Variants in ATXN1 observed in about 807,000 individuals in gnomAD.
ATXN1 encodes the protein ataxin-1.
ATXN1 carries 8 observed loss-of-function variants against 56.4 expected under a neutral mutation model. The observed-to-expected ratio is 0.14, with a 90% CI of 0.08 to 0.26. The LOEUF (loss-of-function observed/expected upper bound fraction) is 0.26. Among genes scored for constraint, ATXN1 ranks in the 10% least tolerant of loss-of-function variants. ATXN1 has a pLI of 1.00. For synonymous variants in ATXN1, 514 were observed against 494.6 expected, an observed-to-expected ratio of 1.04 and a Z score of -0.52; for missense variants, 987 against 1,106.5, an observed-to-expected ratio of 0.89 and a Z score of 1.53.
intron 6 of ATXN1, among the ~76,000 whole-genome samples, chr6:16,449,734 A>G (rs376010571): frequency 6.6e-6 from 1 of 152,238 alleles, no homozygotes; most frequent in Non-Finnish European, 1.5e-5. Context: ...GGATAAGTTT[A>G]AAGGAAAACA....
At chr6:16,612,789 G>A (rs1470885544) in intron 3 of ATXN1, among the ~76,000 whole-genome samples, 1 of 151,766 alleles carries the variant, frequency 6.6e-6, no homozygotes, top group Non-Finnish European at 1.5e-5. Flanking sequence ...TACTTGGGAG[G>A]CTGAGGCAGG....
intron 2 of ATXN1, among the ~76,000 whole-genome samples, chr6:16,691,007 G>T (rs994843215): frequency 1.3e-5 from 2 of 152,220 alleles, no homozygotes; most frequent in Non-Finnish European, 2.9e-5. Context: ...GACAGTAAGA[G>T]AGTCAACAAG....
chr6:16,570,518 T>C (rs780295014), intron 4 of ATXN1, among the ~76,000 whole-genome samples: 42 of 152,198 alleles, frequency 2.8e-4, no homozygotes, highest in Non-Finnish European at 4.1e-4. Context: ...CACAGAAATA[T>C]GTATTCTGCC....
At position 16,717,618 on chromosome 6, in the gene ATXN1, G is replaced by C. The variant is rs548159793; in HGVS notation, c.-615+35615C>G. Among the ~76,000 whole-genome samples, 4 of 152,266 alleles carry C rather than the reference G, an allele frequency of 2.6e-5. No homozygotes were observed. In the South Asian group the frequency reaches 8.3e-4, roughly 32 times the overall value. Reference sequence around the variant, plus strand: ...AGAGAGAGAATGTGCTCATCATGTGGGCCTTGAGAGTATGTTAGTAATGGT... The same window carrying C: ...AGAGAGAGAATGTGCTCATCATGTGCGCCTTGAGAGTATGTTAGTAATGGT... On this transcript the variant is annotated intron_variant, in intron 2 of 7. Coordinates refer to ENST00000436367, the MANE Select transcript of ATXN1 (RefSeq NM_001128164.2).
intron 2 of ATXN1, among the ~76,000 whole-genome samples, chr6:16,712,472 G>T (rs1441822318): frequency 6.6e-6 from 1 of 152,154 alleles, no homozygotes; most frequent in Non-Finnish European, 1.5e-5. Flanking sequence ...GACTGAGTCA[G>T]AAGGGGAAGG....
intron 6 of ATXN1, among the ~76,000 whole-genome samples, chr6:16,456,104 T>C (rs1464901295): frequency 3.9e-5 from 6 of 152,188 alleles, no homozygotes; most frequent in African/African-American, 1.4e-4. Flanking sequence ...CTTTGTCCTG[T>C]CGCTCTTCAC....
chr6:16,665,551 G>C (rs1758407312), intron 2 of ATXN1, among the ~76,000 whole-genome samples: 1 of 150,888 alleles, frequency 6.6e-6, no homozygotes, highest in Admixed American at 6.6e-5. Flanking sequence ...TTGGGTGGGG[G>C]TGGGGGGGTT....
chr6:16,450,131 A>G, intron 6 of ATXN1, among the ~76,000 whole-genome samples: 1 of 152,260 alleles, frequency 6.6e-6, no homozygotes. Context: ...AAAGGCAATG[A>G]ATGATACAGA....
At chr6:16,393,975 G>T (rs1758405579) in intron 6 of ATXN1, among the ~76,000 whole-genome samples, 1 of 151,450 alleles carries the variant, frequency 6.6e-6, no homozygotes. Flanking sequence ...AAATATCATG[G>T]GTCTATGTTT....
At chr6:16,696,360 T>C (rs1233435831) in intron 2 of ATXN1, among the ~76,000 whole-genome samples, 1 of 152,180 alleles carries the variant, frequency 6.6e-6, no homozygotes, top group African/African-American at 2.4e-5. Flanking sequence ...AGGACGCTAC[T>C]ATGTCGAGGT....
intron 6 of ATXN1, among the ~76,000 whole-genome samples, chr6:16,336,546 T>C (rs1008013571): frequency 6.6e-6 from 1 of 152,048 alleles, no homozygotes; most frequent in Non-Finnish European, 1.5e-5. Flanking sequence ...ATCCAGGCCA[T>C]AGGAGTGGTG....
chr6:16,458,123 A>G (rs1581776973), intron 6 of ATXN1, among the ~76,000 whole-genome samples: 1 of 152,202 alleles, frequency 6.6e-6, no homozygotes, highest in South Asian at 2.1e-4. Flanking sequence ...ATTTGGAGAT[A>G]CCTGGTATCT....
intron 6 of ATXN1, among the ~76,000 whole-genome samples, chr6:16,418,015 C>T (rs1449412684): frequency 2.6e-5 from 4 of 152,124 alleles, no homozygotes; most frequent in African/African-American, 9.7e-5. Flanking sequence ...AGTAAATCAA[C>T]GAATGAAGGT....
intron 6 of ATXN1, among the ~76,000 whole-genome samples, chr6:16,357,989 G>C (rs537009603): frequency 1.3e-4 from 20 of 152,298 alleles, no homozygotes; most frequent in African/African-American, 4.1e-4. Flanking sequence ...GTAAGGGAAC[G>C]GGGTGACAGA....
At chr6:16,704,019 C>CAA (rs1241378486) in intron 2 of ATXN1, among the ~76,000 whole-genome samples, 1 of 151,962 alleles carries the variant, frequency 6.6e-6, no homozygotes, top group African/African-American at 2.4e-5. Context: ...GATTCCATCT[C>CAA]AAAAAAACAA....
chr6:16,483,351 T>C (rs1760476800), intron 6 of ATXN1, among the ~76,000 whole-genome samples: 1 of 152,226 alleles, frequency 6.6e-6, no homozygotes, highest in Admixed American at 6.5e-5. Flanking sequence ...ACCCTGTTTA[T>C]GTGCAAACAT....
intron 6 of ATXN1, among the ~76,000 whole-genome samples, chr6:16,378,913 G>T (rs1392413188): frequency 6.6e-6 from 1 of 152,078 alleles, no homozygotes; most frequent in East Asian, 1.9e-4. Context: ...CCACTACTGG[G>T]TATCTACCCA....
chr6:16,508,416 T>G (rs1251238382), intron 5 of ATXN1, among the ~76,000 whole-genome samples: 2 of 152,162 alleles, frequency 1.3e-5, no homozygotes, highest in African/African-American at 2.4e-5. Flanking sequence ...CCTTAAATGC[T>G]TATAGACAAA....
In ATXN1 at chr6:16,585,071, TA is replaced by T. The variant is rs1259577115; in HGVS notation, c.-361+708del. Among the ~76,000 whole-genome samples the T allele has an allele frequency of 4.3e-3, 607 of 141,680 alleles. 2 individuals are homozygous for T. The highest frequency in any genetic ancestry group is 3.6e-3 in the African/African-American group (138 of 38,708). The allele number at this position is 141,680 out of a possible 152,430, so 92.9% of individuals were successfully genotyped here. The stretch of plus-strand genomic sequence containing the variant: ...AACATGGCAAAACCTCATCACTATA[TA>T]AAAAAAAAAAATACAAAAGTTAGCC... On this transcript the variant is annotated intron_variant, in intron 4 of 7. Coordinates refer to ENST00000436367, the MANE Select transcript of ATXN1 (RefSeq NM_001128164.2).
Sources: gnomAD v4.1 joint callset for allele counts (sites outside exome capture counted in the v4.1 genomes callset) on GRCh38, gnomAD v4.1.1 for gene constraint, MANE v1.5 for transcripts, NCBI Gene and HGNC (gene_info 2026-07-23, HGNC 2026-07-21) for gene names.